Variants in COL1A2 observed in about 807,000 individuals in gnomAD.
The protein encoded by COL1A2 is collagen type I alpha 2 chain.
COL1A2 carries 49 observed loss-of-function variants against 174.3 expected under a neutral mutation model. The observed-to-expected ratio is 0.28, with a 90% CI of 0.22 to 0.36. The LOEUF (loss-of-function observed/expected upper bound fraction) is 0.36. Ranked by LOEUF, COL1A2 falls within the 10% of genes least tolerant of loss-of-function variation. COL1A2 has a pLI of 1.00. For missense variants in COL1A2, 1,438 were observed against 1,822.7 expected (o/e 0.79, Z 3.84); for synonymous variants, 655 against 606.6 (o/e 1.08, Z -1.17).
In COL1A2 at chr7:94,408,219, G is replaced by T; in HGVS notation, c.676G>T (p.Gly226Cys). 6.2e-7 allele frequency: 1 copy of T among 1,614,112 alleles called. No individual in the cohort carries two copies. The highest frequency in any genetic ancestry group is 8.5e-7 in the Non-Finnish European group (1 of 1,180,020). The change falls in exon 14 of 52, where the codon GGT (glycine) becomes TGT (cysteine). Residue 226 changes from glycine (G) to cysteine (C), a missense_variant. Coordinates refer to ENST00000297268, the MANE Select transcript of COL1A2 (RefSeq NM_000089.4). ...RGLPGERGRV[G>C]APGPAGARGS... Reference sequence around the variant, plus strand: ...GCTTCCTGGTGAGAGAGGACGTGTTGGTGCCCCTGGCCCAGCTGTAAGTGC... The same window carrying T: ...GCTTCCTGGTGAGAGAGGACGTGTTTGTGCCCCTGGCCCAGCTGTAAGTGC...
intron 12 of COL1A2, among the ~76,000 whole-genome samples, chr7:94,406,597 C>T (rs1791803771): frequency 6.6e-6 from 1 of 152,018 alleles, no homozygotes; most frequent in South Asian, 2.1e-4. Flanking sequence ...ATCTCTGCAG[C>T]CAAAATAAAA....
chr7:94,412,524 A>C, intron 24 of COL1A2, 60 bp from the exon 25 acceptor site: 1 of 1,304,976 alleles, frequency 7.7e-7, no homozygotes, highest in Non-Finnish European at 1.1e-6. Context: ...GCAGCATCAT[A>C]AGCTTGAGGT....
rs778295967 is a variant in COL1A2 at position 94,418,550 on chromosome 7, C to T, written c.2023C>T (p.Arg675Cys). The part of the protein sequence containing the change: ...EIGNPGRDGA[R>C]GAPGAVGAPG... ...TGGTAACCCTGGCAGAGATGGTGCT[C>T]GTGTGAGTAGAATTTTGTTTGTATG... is the stretch of plus-strand genomic sequence containing the variant. Residue 675 changes from arginine to cysteine, a missense_variant and splice_region_variant, in exon 33 of 52, where the codon CGT (arginine) becomes TGT (cysteine). This residue lies in a region of COL1A2 where 867 missense variants were observed against 1,213.7 expected (regional missense o/e 0.71). Coordinates refer to ENST00000297268, the MANE Select transcript of COL1A2 (RefSeq NM_000089.4). 18 of 1,612,692 alleles carry T rather than the reference C, an allele frequency of 1.1e-5. No homozygotes were observed. Among genetic ancestry groups the T allele is most frequent in the African/African-American group, 2.7e-5 (2 of 74,700 alleles).
intron 51 of COL1A2, 77 bp downstream of exon 51, chr7:94,429,507 G>C: frequency 5.9e-6 from 9 of 1,517,034 alleles, no homozygotes; most frequent in Non-Finnish European, 8.2e-6. Context: ...CCCCCAAGGG[G>C]GGGTCTAAAG....
At position 94,428,427 on chromosome 7, in the gene COL1A2, A is replaced by G. The variant is rs1319401398; in HGVS notation, c.3661A>G (p.Lys1221Glu). ...IPAKNWYRSSKDKKHVWLGET... is the reference protein window; with the variant it reads ...IPAKNWYRSSEDKKHVWLGET... ...AGCCAAGAACTGGTATAGGAGCTCC[A>G]AGGACAAGAAACACGTCTGGCTAGG... is the stretch of plus-strand genomic sequence containing the variant. Residue 1221 changes from lysine to glutamate, a missense_variant, in exon 50 of 52, where the codon AAG becomes GAG. By Grantham distance (56) the Lys-to-Glu change is moderately conservative. Coordinates refer to ENST00000297268, the MANE Select transcript of COL1A2 (RefSeq NM_000089.4). 4 of 1,614,058 alleles carry G rather than the reference A, an allele frequency of 2.5e-6. No homozygotes were observed. The highest frequency in any genetic ancestry group is 3.4e-6 in the Non-Finnish European group (4 of 1,180,030).
intron 25 of COL1A2, 22 bp from the exon 26 acceptor site, chr7:94,413,061 T>A (rs746004862): frequency 5.0e-6 from 8 of 1,613,240 alleles, no homozygotes; most frequent in Non-Finnish European, 5.9e-6. Context: ...GTTCTTTGTT[T>A]TGTTTTTCAT....
At chr7:94,423,210 T>TGA (rs1454120485) in intron 40 of COL1A2, 92 bp downstream of exon 40, 12 of 1,460,750 alleles carry the variant, frequency 8.2e-6, no homozygotes, top group Non-Finnish European at 1.1e-5. Context: ...TATTTGTTGA[T>TGA]GAGTATTGCA....
intron 50 of COL1A2, 89 bp from the exon 51 acceptor site, chr7:94,429,099 T>TA: frequency 2.2e-6 from 2 of 908,224 alleles, no homozygotes; most frequent in Non-Finnish European, 3.1e-6. Context: ...TCCTGAGATC[T>TA]TTTTTTTTCT....
intron 40 of COL1A2, chr7:94,423,666 C>T (rs1792215562): frequency 1.2e-5 from 2 of 165,210 alleles, no homozygotes; most frequent in Non-Finnish European, 2.6e-5. Flanking sequence ...ACGATCTCAG[C>T]TCACTGCGAC....
chr7:94,410,220 A>G lies in COL1A2; in HGVS notation c.1036-22A>G. 3.7e-6 allele frequency: 6 copies of G among 1,612,746 alleles called. No individual in the cohort carries two copies. The South Asian group carries it at 4.4e-5, about 12-fold the overall frequency. On this transcript the variant is annotated intron_variant, in intron 19 of 51. Transcript: ENST00000297268. The stretch of plus-strand genomic sequence containing the variant: ...TTCAACAAATGTTTGTCCTTTGACC[A>G]CTGTTCTGTATTGAACCCTAGGGTG...
intron 51 of COL1A2, 79 bp downstream of exon 51, chr7:94,429,509 G>A (rs1009253556): frequency 9.3e-6 from 14 of 1,504,620 alleles, no homozygotes; most frequent in Admixed American, 3.4e-5. Context: ...CCCAAGGGGG[G>A]GTCTAAAGGG....
At chr7:94,422,105 T>A in intron 39 of COL1A2, 153 bp downstream of exon 39, 2 of 585,778 alleles carry the variant, frequency 3.4e-6, no homozygotes, top group Non-Finnish European at 6.0e-6. Context: ...ACCATTAAGG[T>A]ATTTCATCAC....
rs771001981 is a variant in COL1A2, at chr7:94,414,284, A to G, written c.1719+9A>G. 2.5e-6 allele frequency: 4 copies of G among 1,613,526 alleles called. No homozygotes were observed. The highest frequency in any genetic ancestry group is 3.4e-6 in the Non-Finnish European group (4 of 1,179,590). On this transcript the variant is annotated intron_variant, in intron 29 of 51. Transcript: ENST00000297268. ...GCAAACCAGGAGAAAGGGTGAGTAA[A>G]ACAAGTAATAGTAAGTAGTAACTAC...
chr7:94,428,570 G>A (rs1278243569), intron 50 of COL1A2, 93 bp downstream of exon 50: 2 of 1,273,106 alleles, frequency 1.6e-6, no homozygotes, highest in African/African-American at 1.5e-5. Flanking sequence ...TGACAAAAAT[G>A]GGCTTATTAA....
chr7:94,424,611 C>T (rs1296486168), intron 41 of COL1A2, 168 bp downstream of exon 41: 2 of 625,914 alleles, frequency 3.2e-6, no homozygotes, highest in Non-Finnish European at 5.6e-6. Flanking sequence ...TTAATACCAC[C>T]TTACTTAGAC....
rs984503726 is a variant in COL1A2, at chr7:94,404,980, C to A, written c.432+88C>A. On this transcript the variant is annotated intron_variant, in intron 9 of 51. Coordinates refer to ENST00000297268, the MANE Select transcript of COL1A2 (RefSeq NM_000089.4). ...TTCTAGATTCAAATTAAGTATTCTGCCAAAAGCTGAATATGCCTGACAGAA... is the reference window on the plus strand; with the variant it reads ...TTCTAGATTCAAATTAAGTATTCTGACAAAAGCTGAATATGCCTGACAGAA... 114 of 1,472,852 alleles carry A rather than the reference C, an allele frequency of 7.7e-5. No homozygotes were observed. In the Admixed American group the frequency reaches 1.9e-3, roughly 25 times the overall value. 91.2% of individuals were successfully genotyped at this position (1,472,852 alleles called of 1,614,324 possible).
At chr7:94,416,686 A>C in intron 31 of COL1A2, 183 bp downstream of exon 31, 4 of 592,150 alleles carry the variant, frequency 6.8e-6, no homozygotes, top group Non-Finnish European at 6.0e-6. Context: ...CAAACAAACA[A>C]TAGCAACAAA....
At position 94,400,253 on chromosome 7, in the gene COL1A2, C is replaced by T; in HGVS notation, c.190C>T (p.Pro64Ser). Residue 64 changes from proline to serine, a missense_variant, in exon 5 of 52, where the codon CCA becomes TCA. Pro to Ser is a moderately conservative substitution (Grantham distance 74, BLOSUM62 -1). Coordinates refer to ENST00000297268, the MANE Select transcript of COL1A2 (RefSeq NM_000089.4). The part of the protein sequence containing the change: ...GEDGPTGPPG[P>S]PGPPGPPGLG... ...AGATGGTCCCACAGGCCCTCCTGGTCCACCTGGTCCTCCTGGCCCCCCTGG... is the reference window on the plus strand; with the variant it reads ...AGATGGTCCCACAGGCCCTCCTGGTTCACCTGGTCCTCCTGGCCCCCCTGG... 4.3e-6 allele frequency: 7 copies of T among 1,612,524 alleles called. No individual in the cohort carries two copies. Among genetic ancestry groups the T allele is most frequent in the Non-Finnish European group, 5.9e-6 (7 of 1,179,790 alleles).
At position 94,401,625 on chromosome 7, in the gene COL1A2, G is replaced by A. The variant is rs1181823046; in HGVS notation, c.279+5G>A. The stretch of plus-strand genomic sequence containing the variant: ...GGACTTGGCCCTGGACCAATGGTAT[G>A]CTTATCTGTTTATCTTAGCCAAAAA... On this transcript the variant is annotated splice_donor_5th_base_variant and intron_variant, in intron 6 of 51. Transcript: ENST00000297268. 21 of 1,585,942 alleles carry A rather than the reference G, an allele frequency of 1.3e-5. No individual in the cohort carries two copies. The highest frequency in any genetic ancestry group is 1.7e-5 in the Non-Finnish European group (20 of 1,163,402).
Sources: allele counts gnomAD v4.1 joint callset (sites outside exome capture counted in the v4.1 genomes callset), GRCh38; gene constraint gnomAD v4.1.1; regional missense constraint gnomAD v4.1.1; transcripts MANE v1.5; gene names NCBI Gene and HGNC (gene_info 2026-07-23, HGNC 2026-07-21).